MAFK: variants seen among roughly 807,000 people sequenced by gnomAD.
MAFK encodes transcription factor MafK.
A neutral mutation model predicts 9.2 loss-of-function variants in MAFK; 1 was observed. The observed-to-expected ratio is 0.11, with a 90% CI of 0.04 to 0.52. The LOEUF (loss-of-function observed/expected upper bound fraction) is 0.52, where lower values mean the gene tolerates loss of function less well. MAFK is among the 20% of genes least tolerant of loss of function. The pLI is 0.94. For missense variants in MAFK, 207 were observed against 236.0 expected (o/e 0.88, Z 0.81); for synonymous variants, 110 against 107.4 (o/e 1.02, Z -0.15).
At chr7:1,531,997 C>T (rs1377650024) in intron 1 of MAFK, among the ~76,000 whole-genome samples, 3 of 152,264 alleles carry the variant, frequency 2.0e-5, no homozygotes, top group African/African-American at 7.2e-5. Flanking sequence ...AGGCAGCCAG[C>T]CAATCTCTGG....
rs1039132986 is a variant in MAFK, at chr7:1,532,343, G to C, written c.-45+1445G>C. ...CTGGGACACACCTACACCCTATTTG[G>C]GCGTCCAGTGCCATTTATGAGAACA... On this transcript the variant is annotated intron_variant, in intron 1 of 2. Transcript: ENST00000343242. This position sits in a 1 kb window ranked among gnomAD's most constrained non-coding sequence, Gnocchi z 4.5. Among the ~76,000 whole-genome samples, 1 of 152,192 alleles carries C rather than the reference G, an allele frequency of 6.6e-6. No individual in the cohort carries two copies. Among genetic ancestry groups the C allele is most frequent in the Non-Finnish European group, 1.5e-5 (1 of 68,036 alleles).
In MAFK at chr7:1,539,844, G is replaced by T. The variant is rs3735655; in HGVS notation, c.37-97G>T. 7 of 1,083,728 alleles carry T rather than the reference G, an allele frequency of 6.5e-6. No individual in the cohort carries two copies. In the East Asian group the frequency reaches 1.3e-4, roughly 20 times the overall value. The allele number at this position is 1,083,728 out of a possible 1,614,324, so 67.1% of individuals were successfully genotyped here. On this transcript the variant is annotated intron_variant, in intron 2 of 2. Transcript: ENST00000343242. ...GAAGGCCAGCCCTGAGAGCGCAGGC[G>T]TGCAGGGGCACCGCTGGGTTCCTGG...
chr7:1,531,188 C>T (rs942550640), intron 1 of MAFK, among the ~76,000 whole-genome samples: 2 of 149,672 alleles, frequency 1.3e-5, no homozygotes, highest in African/African-American at 4.9e-5. Flanking sequence ...AGGGCGCGGA[C>T]CCCAGACCTG....
At position 1,540,219 on chromosome 7, in the gene MAFK, C is replaced by T. The variant is rs150489206; in HGVS notation, c.315C>T (p.Asp105=). 1.1e-4 allele frequency: 176 copies of T among 1,599,238 alleles called. No individual in the cohort carries two copies. In the Middle Eastern group the frequency reaches 1.2e-3, roughly 11 times the overall value. The part of the protein sequence containing the change: ...RENSSMRLEL[D]ALRSKYEALQ... Reference sequence around the variant, plus strand: ...ACAGCAGCATGCGGCTGGAGCTGGACGCCCTGCGCTCCAAGTACGAGGCGC... The same window carrying T: ...ACAGCAGCATGCGGCTGGAGCTGGATGCCCTGCGCTCCAAGTACGAGGCGC... Residue 105 remains aspartate (D), a synonymous_variant, in exon 3 of 3, where the codon GAC becomes GAT. Coordinates refer to ENST00000343242, the MANE Select transcript of MAFK (RefSeq NM_002360.4).
chr7:1,534,109 C>G lies in MAFK; in HGVS notation c.-45+3211C>G, dbSNP rs1562543464. The G allele has an allele frequency of 7.6e-6, 3 of 393,632 alleles. No individual in the cohort carries two copies. Among genetic ancestry groups the G allele is most frequent in the Non-Finnish European group, 1.1e-5 (2 of 189,998 alleles). 24.4% of individuals were successfully genotyped at this position (393,632 alleles called of 1,614,324 possible). A position where few individuals can be genotyped will look rare whatever the true frequency, so the allele number is the denominator to read the frequency against. The stretch of plus-strand genomic sequence containing the variant: ...CAGTCATGGCTTGCTGGAGGGCAGC[C>G]AGCCAGGGCCAGGCTGCTGGCTGGT... On this transcript the variant is annotated intron_variant, in intron 1 of 2. Transcript: ENST00000343242. This position sits in a 1 kb window ranked among gnomAD's most constrained non-coding sequence, Gnocchi z 4.3.
At position 1,540,578 on chromosome 7, in the gene MAFK, C is replaced by G. The variant is rs897642304; in HGVS notation, c.*203C>G. On this transcript the variant is annotated 3_prime_UTR_variant, in exon 3 of 3. Transcript: ENST00000343242. ...CGTGGGCCCAGAGCTGCACGCCGGTCCACAGACACACTCACGCCCGCCACC... is the reference window on the plus strand; with the variant it reads ...CGTGGGCCCAGAGCTGCACGCCGGTGCACAGACACACTCACGCCCGCCACC... 5 of 579,930 alleles carry G rather than the reference C, an allele frequency of 8.6e-6. No individual in the cohort carries two copies. Among genetic ancestry groups the G allele is most frequent in the African/African-American group, 3.9e-5 (2 of 51,638 alleles). The allele number at this position is 579,930 out of a possible 1,614,324, so 35.9% of individuals were successfully genotyped here.
intron 1 of MAFK, 129 bp from the exon 2 acceptor site, chr7:1,539,020 G>A (rs559003538): frequency 5.5e-6 from 4 of 730,058 alleles, no homozygotes; most frequent in Admixed American, 2.6e-5. Context: ...ATGGTGCCCC[G>A]TCTTGTTTTC....
chr7:1,535,199 A>T (rs963806858), intron 1 of MAFK, among the ~76,000 whole-genome samples: 1 of 147,260 alleles, frequency 6.8e-6, no homozygotes, highest in African/African-American at 2.5e-5. Context: ...GGCAAGAGCC[A>T]CTGTGCCCAG....
At position 1,540,612 on chromosome 7, in the gene MAFK, G is replaced by T. The variant is rs944853456; in HGVS notation, c.*237G>T. On this transcript the variant is annotated 3_prime_UTR_variant, in exon 3 of 3. Transcript: ENST00000343242. ...CACTCACGCCCGCCACCTGCTCCCC[G>T]CAGGATGTGTCTGTGTGTGGGAATT... 7.5e-6 allele frequency: 4 copies of T among 535,534 alleles called. No homozygotes were observed. Among genetic ancestry groups the T allele is most frequent in the African/African-American group, 2.0e-5 (1 of 50,580 alleles). The allele number at this position is 535,534 out of a possible 1,614,324, so 33.2% of individuals were successfully genotyped here. A position where few individuals can be genotyped will look rare whatever the true frequency, so the allele number is the denominator to read the frequency against.
Position 1,540,437 on chromosome 7 carries a change from C to T in MAFK, c.*62C>T. On this transcript the variant is annotated 3_prime_UTR_variant, in exon 3 of 3. Transcript: ENST00000343242. ...GCGGGCAGGCGGGTGGGGGCACACC[C>T]CTCGTACCTGTCACTGGGATGCAGA... 2.3e-6 allele frequency: 3 copies of T among 1,295,994 alleles called. No individual in the cohort carries two copies. Among genetic ancestry groups the T allele is most frequent in the South Asian group, 1.5e-5 (1 of 65,510 alleles). 80.3% of individuals were successfully genotyped at this position (1,295,994 alleles called of 1,614,324 possible). A position where few individuals can be genotyped will look rare whatever the true frequency, so the allele number is the denominator to read the frequency against.
chr7:1,540,627 G>A lies in MAFK; in HGVS notation c.*252G>A, dbSNP rs1784156664. 3.9e-6 allele frequency: 2 copies of A among 509,968 alleles called. No individual in the cohort carries two copies. Among genetic ancestry groups the A allele is most frequent in the Admixed American group, 3.8e-5 (1 of 26,152 alleles). The allele number at this position is 509,968 out of a possible 1,614,324, so 31.6% of individuals were successfully genotyped here. On this transcript the variant is annotated 3_prime_UTR_variant, in exon 3 of 3. Coordinates refer to ENST00000343242, the MANE Select transcript of MAFK (RefSeq NM_002360.4). ...CCTGCTCCCCGCAGGATGTGTCTGT[G>A]TGTGGGAATTGGTATCTTGCACCCG...
At position 1,539,236 on chromosome 7, in the gene MAFK, T is replaced by G; in HGVS notation, c.36+8T>G. The stretch of plus-strand genomic sequence containing the variant: ...CCGAATAAGGCATTAAAGGTAAGGC[T>G]GGTTCCAAGCAGGCCCCGTCTCAAG... On this transcript the variant is annotated splice_region_variant and intron_variant, in intron 2 of 2. Coordinates refer to ENST00000343242, the MANE Select transcript of MAFK (RefSeq NM_002360.4). 6.2e-7 allele frequency: 1 copy of G among 1,609,540 alleles called. No individual in the cohort carries two copies. Among genetic ancestry groups the G allele is most frequent in the Non-Finnish European group, 8.5e-7 (1 of 1,177,928 alleles).
chr7:1,540,277 C>A lies in MAFK; in HGVS notation c.373C>A (p.Pro125Thr), dbSNP rs778713521. The A allele has an allele frequency of 1.2e-6, 2 of 1,611,462 alleles. No individual in the cohort carries two copies. Among genetic ancestry groups the A allele is most frequent in the African/African-American group, 2.7e-5 (2 of 74,896 alleles). The part of the protein sequence containing the change: ...QTFARTVARG[P>T]VAPSKVATTS... ...CTTCGCGCGCACCGTGGCCCGGGGACCTGTGGCGCCCTCCAAGGTGGCCAC... is the reference window on the plus strand; with the variant it reads ...CTTCGCGCGCACCGTGGCCCGGGGAACTGTGGCGCCCTCCAAGGTGGCCAC... The change falls in exon 3 of 3, where the codon CCT becomes ACT. Residue 125 changes from proline (P) to threonine (T), a missense_variant. Coordinates refer to ENST00000343242, the MANE Select transcript of MAFK (RefSeq NM_002360.4).
chr7:1,534,205 G>T lies in MAFK; in HGVS notation c.-45+3307G>T. 2.2e-6 allele frequency: 1 copy of T among 454,672 alleles called. No homozygotes were observed. The highest frequency in any genetic ancestry group is 4.4e-6 in the Non-Finnish European group (1 of 225,716). The allele number at this position is 454,672 out of a possible 1,614,324, so 28.2% of individuals were successfully genotyped here. On this transcript the variant is annotated intron_variant, in intron 1 of 2. Coordinates refer to ENST00000343242, the MANE Select transcript of MAFK (RefSeq NM_002360.4). This position sits in a 1 kb window ranked among gnomAD's most constrained non-coding sequence, Gnocchi z 4.3. Reference sequence around the variant, plus strand: ...TAGTGGGGCTGTGTCCGGGACAGCCGGACAGTGGGGGCCCTCGCAGTGTAG... The same window carrying T: ...TAGTGGGGCTGTGTCCGGGACAGCCTGACAGTGGGGGCCCTCGCAGTGTAG...
At chr7:1,537,853 C>T in intron 1 of MAFK, 1 of 252,250 alleles carries the variant, frequency 4.0e-6, no homozygotes, top group Non-Finnish European at 6.3e-6. Context: ...GATGCGGTCA[C>T]CCGCCCCCAT....
intron 1 of MAFK, among the ~76,000 whole-genome samples, chr7:1,535,647 C>T (rs942407079): frequency 6.6e-6 from 1 of 152,188 alleles, no homozygotes; most frequent in South Asian, 2.1e-4. Flanking sequence ...GACACCTTGT[C>T]TCTAAAATGA....
rs946712581 is a variant in MAFK at position 1,532,567 on chromosome 7, G to T, written c.-45+1669G>T. 2.6e-4 allele frequency among the ~76,000 whole-genome samples: 40 copies of T among 152,222 alleles called. No homozygotes were observed. The highest frequency in any genetic ancestry group is 9.4e-4 in the African/African-American group (39 of 41,460). ...TGCCCGCAGCGTCGACTCCCCAGGT[G>T]CTGGTAAACCCGGGAGCCAGCGTTT... On this transcript the variant is annotated intron_variant, in intron 1 of 2. Coordinates refer to ENST00000343242, the MANE Select transcript of MAFK (RefSeq NM_002360.4). This position sits in a 1 kb window ranked among gnomAD's most constrained non-coding sequence, Gnocchi z 4.5.
chr7:1,534,707 C>A lies in MAFK; in HGVS notation c.-45+3809C>A. On this transcript the variant is annotated intron_variant, in intron 1 of 2. Transcript: ENST00000343242. The surrounding 1 kb of genome is among the most constrained non-coding windows in gnomAD (Gnocchi z 4.3). Reference sequence around the variant, plus strand: ...ATGGAGTCTGTGTCATCATTCACCCCTTGGGCAAGAACAAGTGACCCATCC... The same window carrying A: ...ATGGAGTCTGTGTCATCATTCACCCATTGGGCAAGAACAAGTGACCCATCC... 2.2e-6 allele frequency: 1 copy of A among 452,130 alleles called. No homozygotes were observed. 28.0% of individuals were successfully genotyped at this position (452,130 alleles called of 1,614,324 possible).
intron 1 of MAFK, among the ~76,000 whole-genome samples, chr7:1,533,513 GAA>G (rs1783955032): frequency 6.6e-6 from 1 of 152,214 alleles, no homozygotes; most frequent in Admixed American, 6.5e-5. Context: ...ATGGTGATCA[GAA>G]ACCTGAAACG....
Sources: allele counts gnomAD v4.1 joint callset (sites outside exome capture counted in the v4.1 genomes callset), GRCh38; gene constraint gnomAD v4.1.1; non-coding constraint Gnocchi (gnomAD v3.1); transcripts MANE v1.5; gene names NCBI Gene and HGNC (gene_info 2026-07-23, HGNC 2026-07-21).